Variants in MKX observed in about 807,000 individuals in gnomAD.
MKX encodes the protein homeobox protein Mohawk.
A neutral mutation model predicts 36.0 loss-of-function variants in MKX; 13 were observed. The ratio of observed to expected loss-of-function variants is 0.36; its 90% CI spans 0.24 to 0.57. MKX has a LOEUF of 0.57. MKX is among the 20% of genes least tolerant of loss of function. The pLI is 0.79. For synonymous variants in MKX, 176 were observed against 178.3 expected (o/e 0.99, Z 0.10); for missense variants, 458 against 456.4 (o/e 1.00, Z -0.03).
intron 5 of MKX, among the ~76,000 whole-genome samples, chr10:27,728,177 C>T (rs1015720636): frequency 6.6e-6 from 1 of 152,082 alleles, no homozygotes; most frequent in Non-Finnish European, 1.5e-5. Flanking sequence ...TCACTAAAAC[C>T]AAGAAAGTGA....
chr10:27,732,352 T>C (rs1006599476), intron 5 of MKX, among the ~76,000 whole-genome samples: 1 of 152,212 alleles, frequency 6.6e-6, no homozygotes, highest in Non-Finnish European at 1.5e-5. Flanking sequence ...AAAACTTTTC[T>C]TGTTTATGAA....
intron 3 of MKX, among the ~76,000 whole-genome samples, chr10:27,739,853 C>G (rs1165093050): frequency 2.0e-5 from 3 of 152,078 alleles, no homozygotes; most frequent in African/African-American, 7.2e-5. Flanking sequence ...AAATAAGTAG[C>G]ATACTTATTT....
chr10:27,679,905 A>C (rs1254241966), intron 5 of MKX, among the ~76,000 whole-genome samples: 3 of 152,024 alleles, frequency 2.0e-5, no homozygotes, highest in Non-Finnish European at 4.4e-5. Context: ...TTTGCAGCTC[A>C]TGGTCAGTAT....
chr10:27,711,499 TTTCCTTC>T lies in MKX; in HGVS notation c.838+22950_838+22956del, dbSNP rs1266049514. Among the ~76,000 whole-genome samples the T allele has an allele frequency of 4.5e-4, 42 of 93,072 alleles. 2 individuals are homozygous for T. Among genetic ancestry groups the T allele is most frequent in the African/African-American group, 1.7e-3 (32 of 19,312 alleles). 61.1% of individuals were successfully genotyped at this position (93,072 alleles called of 152,430 possible). A position where few individuals can be genotyped will look rare whatever the true frequency, so the allele number is the denominator to read the frequency against. The stretch of plus-strand genomic sequence containing the variant: ...TCTTTCTTTCTCTCTCTCTCTCTTC[TTTCCTTC>T]CTTCCTTCCTTCCTTCCTTCCTTCC... On this transcript the variant is annotated intron_variant, in intron 5 of 6. Transcript: ENST00000419761.
chr10:27,738,917 T>G (rs1834834321), intron 3 of MKX, among the ~76,000 whole-genome samples: 1 of 152,052 alleles, frequency 6.6e-6, no homozygotes, highest in Admixed American at 6.5e-5. Context: ...GAGATTTTGT[T>G]GAATATTTAA....
chr10:27,681,527 CATA>C (rs1372697351), intron 5 of MKX, among the ~76,000 whole-genome samples: 3 of 152,244 alleles, frequency 2.0e-5, no homozygotes, highest in African/African-American at 7.2e-5. Context: ...ATATACAGTA[CATA>C]ATACTTGATA....
At chr10:27,722,473 A>G (rs1472016018) in intron 5 of MKX, among the ~76,000 whole-genome samples, 1 of 152,234 alleles carries the variant, frequency 6.6e-6, no homozygotes, top group Non-Finnish European at 1.5e-5. Context: ...TTATCTTGTC[A>G]TACATCTTCG....
At chr10:27,700,998 G>A (rs956235054) in intron 5 of MKX, among the ~76,000 whole-genome samples, 2 of 152,080 alleles carry the variant, frequency 1.3e-5, no homozygotes, top group East Asian at 1.9e-4. Context: ...TAAACTTAGG[G>A]ATGAAGCCCT....
intron 5 of MKX, among the ~76,000 whole-genome samples, chr10:27,728,735 A>G (rs1223683757): frequency 6.6e-6 from 1 of 152,222 alleles, no homozygotes; most frequent in Non-Finnish European, 1.5e-5. Context: ...TCTAGATTTT[A>G]CTACTGATAC....
chr10:27,706,124 T>C (rs1207392393), intron 5 of MKX, among the ~76,000 whole-genome samples: 1 of 152,148 alleles, frequency 6.6e-6, no homozygotes, highest in Non-Finnish European at 1.5e-5. Context: ...AGTGGAACAA[T>C]ACCATATTTG....
At chr10:27,690,805 CTTGATATGGT>C (rs1836440834) in intron 5 of MKX, among the ~76,000 whole-genome samples, 1 of 152,196 alleles carries the variant, frequency 6.6e-6, no homozygotes, top group Admixed American at 6.5e-5. Context: ...TACCTTAGGC[CTTGATATGGT>C]TTGCCTGTGT....
At chr10:27,731,396 C>T (rs1208284307) in intron 5 of MKX, among the ~76,000 whole-genome samples, 3 of 152,136 alleles carry the variant, frequency 2.0e-5, no homozygotes, top group East Asian at 3.9e-4. Flanking sequence ...GAAAGTATTT[C>T]TTGAAATCCC....
chr10:27,673,800 T>C lies in MKX; in HGVS notation c.*1429A>G, dbSNP rs910337762. 6.6e-6 allele frequency: 1 copy of C among 152,440 alleles called. No homozygotes were observed. Among genetic ancestry groups the C allele is most frequent in the African/African-American group, 2.4e-5 (1 of 41,410 alleles). The allele number at this position is 152,440 out of a possible 1,614,324, so 9.4% of individuals were successfully genotyped here. On this transcript the variant is annotated 3_prime_UTR_variant, in exon 7 of 7. Transcript: ENST00000419761. ...AGCAGCCTTTGGTTTTAAAAGCATT[T>C]TGCAAAATAAAGAAAAATGTCACCA...
chr10:27,718,893 G>A (rs909656650), intron 5 of MKX, among the ~76,000 whole-genome samples: 2 of 152,114 alleles, frequency 1.3e-5, no homozygotes, highest in Non-Finnish European at 2.9e-5. Flanking sequence ...TCCATTGTGT[G>A]CACAGTTACT....
intron 5 of MKX, among the ~76,000 whole-genome samples, chr10:27,695,730 A>G (rs1836542371): frequency 6.6e-6 from 1 of 152,208 alleles, no homozygotes; most frequent in African/African-American, 2.4e-5. Context: ...GTAAAAATGC[A>G]TTTAATTAAT....
intron 5 of MKX, among the ~76,000 whole-genome samples, chr10:27,691,587 A>C (rs11015947): frequency 0.021 from 3,132 of 152,258 alleles, 42 homozygotes; most frequent in Non-Finnish European, 0.032. Flanking sequence ...CAGGAGGTAC[A>C]TATGCAGGTT....
chr10:27,709,975 T>C (rs1386659316), intron 5 of MKX, among the ~76,000 whole-genome samples: 4 of 152,254 alleles, frequency 2.6e-5, no homozygotes, highest in Non-Finnish European at 4.4e-5. Context: ...GTAATTAGTA[T>C]AGAAATTATC....
chr10:27,727,775 C>T (rs1485041717), intron 5 of MKX, among the ~76,000 whole-genome samples: 1 of 152,010 alleles, frequency 6.6e-6, no homozygotes, highest in African/African-American at 2.4e-5. Context: ...TGTGATTAAC[C>T]CTGAGGTTAC....
intron 5 of MKX, among the ~76,000 whole-genome samples, chr10:27,713,862 C>T (rs1237076446): frequency 6.6e-6 from 1 of 152,012 alleles, no homozygotes; most frequent in African/African-American, 2.4e-5. Flanking sequence ...TAAACAATGG[C>T]GTTCTGCTTT....
Sources: allele counts gnomAD v4.1 joint callset (sites outside exome capture counted in the v4.1 genomes callset), GRCh38; gene constraint gnomAD v4.1.1; transcripts MANE v1.5; gene names NCBI Gene and HGNC (gene_info 2026-07-23, HGNC 2026-07-21).